SLC38A1: variants seen among roughly 807,000 people sequenced by gnomAD.
SLC38A1 encodes the protein solute carrier family 38 member 1.
Under a neutral mutation model 60.3 loss-of-function variants are expected in SLC38A1, and 18 were observed. That is an observed-to-expected ratio of 0.30 (90% confidence interval 0.21 to 0.44). SLC38A1 has a LOEUF of 0.44. Among genes scored for constraint, SLC38A1 ranks in the 20% least tolerant of loss-of-function variants. The probability of loss-of-function intolerance (pLI) is 1.00; values close to 1 mark genes in which losing one functional copy is unlikely to be tolerated. For missense variants in SLC38A1, 448 were observed against 587.2 expected (o/e 0.76, Z 2.45); for synonymous variants, 196 against 212.1 (o/e 0.92, Z 0.66).
intron 1 of SLC38A1, among the ~76,000 whole-genome samples, 196 bp from the exon 2 acceptor site, chr12:46,243,510 A>C (rs1941514414): frequency 1.3e-5 from 2 of 152,310 alleles, no homozygotes; most frequent in Middle Eastern, 3.4e-3. Context: ...ATTGACATCT[A>C]ACTGGTTATT....
chr12:46,214,839 C>T (rs1315198815), intron 5 of SLC38A1, among the ~76,000 whole-genome samples: 1 of 152,192 alleles, frequency 6.6e-6, no homozygotes, highest in Non-Finnish European at 1.5e-5. Context: ...GCAGCCGTCA[C>T]TGCATCAGAT....
chr12:46,244,822 C>G (rs906338625), intron 1 of SLC38A1, among the ~76,000 whole-genome samples: 1 of 152,192 alleles, frequency 6.6e-6, no homozygotes, highest in East Asian at 1.9e-4. Context: ...TTTTCCTTAG[C>G]GTAAACAGAT....
intron 11 of SLC38A1, among the ~76,000 whole-genome samples, chr12:46,204,095 G>A (rs1242168022): frequency 6.6e-6 from 1 of 152,188 alleles, no homozygotes; most frequent in Non-Finnish European, 1.5e-5. Context: ...GATTTTCACA[G>A]AGAATGCTTA....
intron 1 of SLC38A1, chr12:46,267,604 A>G (rs1060735): frequency 0.73 from 110,455 of 152,276 alleles, 41,294 homozygotes; most frequent in African/African-American, 0.92. Flanking sequence ...CCCATGCGCC[A>G]GGAGGTGGAT....
At position 46,238,345 on chromosome 12, in the gene SLC38A1, A is replaced by C. The variant is rs188541134; in HGVS notation, c.122+1334T>G. Among the ~76,000 whole-genome samples the C allele has an allele frequency of 9.8e-5, 15 of 152,304 alleles. No homozygotes were observed. The East Asian group carries it at 2.7e-3, about 27-fold the overall frequency. On this transcript the variant is annotated intron_variant, in intron 3 of 16. Transcript: ENST00000398637. ...TCTTAAGAACATTTAAAGGAGGAAA[A>C]AAGGAGAACATCTGTGTTAATAAAT...
chr12:46,253,784 C>G lies in SLC38A1; in HGVS notation c.-208-10470G>C, dbSNP rs553279778. On this transcript the variant is annotated intron_variant, in intron 1 of 16. Coordinates refer to ENST00000398637, the MANE Select transcript of SLC38A1 (RefSeq NM_030674.4). ...TCCCCCCTCCCTTTTATAAGAGAAC[C>G]CTTAATCCTAAGGGCTGCACAGGGA... 1.0e-3 allele frequency among the ~76,000 whole-genome samples: 154 copies of G among 152,200 alleles called. 1 individual carries two copies. The highest frequency in any genetic ancestry group is 3.1e-3 in the African/African-American group (130 of 41,504).
At chr12:46,253,620 A>G (rs578134084) in intron 1 of SLC38A1, among the ~76,000 whole-genome samples, 39 of 152,138 alleles carry the variant, frequency 2.6e-4, no homozygotes, top group Non-Finnish European at 4.6e-4. Flanking sequence ...TATGACCTGT[A>G]CTTTGTGCTA....
chr12:46,183,857 T>A lies in SLC38A1; in HGVS notation c.*5113A>T, dbSNP rs1188927113. On this transcript the variant is annotated 3_prime_UTR_variant, in exon 17 of 17. Transcript: ENST00000398637. ...TTTACATTGAGAGAACTATGTTACCTGGGAGAGAATGTAAATTTTTCTAAT... is the reference window on the plus strand; with the variant it reads ...TTTACATTGAGAGAACTATGTTACCAGGGAGAGAATGTAAATTTTTCTAAT... The A allele has an allele frequency of 6.6e-6, 1 of 152,384 alleles. No individual in the cohort carries two copies. Among genetic ancestry groups the A allele is most frequent in the Non-Finnish European group, 1.5e-5 (1 of 68,038 alleles). 9.4% of individuals were successfully genotyped at this position (152,384 alleles called of 1,614,324 possible).
chr12:46,235,464 G>A (rs1264869795), intron 3 of SLC38A1, among the ~76,000 whole-genome samples: 2 of 152,080 alleles, frequency 1.3e-5, no homozygotes, highest in Non-Finnish European at 2.9e-5. Flanking sequence ...GAGAATTGAA[G>A]AAACAGGAAT....
chr12:46,240,476 G>A (rs552927678), intron 2 of SLC38A1, among the ~76,000 whole-genome samples: 5 of 152,308 alleles, frequency 3.3e-5, no homozygotes, highest in South Asian at 4.1e-4. Context: ...AATTACAGGC[G>A]TGAGCCACCG....
At chr12:46,205,390 T>C (rs1939850213) in intron 9 of SLC38A1, among the ~76,000 whole-genome samples, 1 of 152,180 alleles carries the variant, frequency 6.6e-6, no homozygotes. Context: ...ATAATTATTG[T>C]TTGGAGAGCT....
At chr12:46,240,811 T>G (rs985404785) in intron 2 of SLC38A1, among the ~76,000 whole-genome samples, 1 of 152,202 alleles carries the variant, frequency 6.6e-6, no homozygotes, top group Admixed American at 6.5e-5. Flanking sequence ...TTTGGTTTAA[T>G]CCAACTGCTA....
intron 1 of SLC38A1, among the ~76,000 whole-genome samples, chr12:46,245,597 C>A (rs1473587521): frequency 1.3e-5 from 2 of 152,158 alleles, no homozygotes; most frequent in East Asian, 3.9e-4. Flanking sequence ...TTTCATATGA[C>A]ACAGTAATCC....
intron 11 of SLC38A1, 57 bp from the exon 12 acceptor site, chr12:46,203,146 T>A: frequency 7.3e-7 from 1 of 1,376,984 alleles, no homozygotes; most frequent in Non-Finnish European, 1.0e-6. Flanking sequence ...AAAAAGGACA[T>A]AGCTCCAGTA....
chr12:46,244,312 TGTACCAA>T (rs887686240), intron 1 of SLC38A1, among the ~76,000 whole-genome samples: 1 of 152,236 alleles, frequency 6.6e-6, no homozygotes, highest in Non-Finnish European at 1.5e-5. Flanking sequence ...AGACTTTCCT[TGTACCAA>T]GGACAGTACT....
chr12:46,204,334 C>A lies in SLC38A1; in HGVS notation c.789G>T (p.Thr263=), dbSNP rs34246350. 579 of 1,612,900 alleles carry A rather than the reference C, an allele frequency of 3.6e-4. 1 individual carries two copies. The African/African-American group carries it at 6.9e-3, about 19-fold the overall frequency. Residue 263 remains threonine, a synonymous_variant, in exon 11 of 17, where the codon ACG becomes ACT. Coordinates refer to ENST00000398637, the MANE Select transcript of SLC38A1 (RefSeq NM_030674.4). Reference sequence around the variant, plus strand: ...TGAAGGTAACATATTTTGGCGTACACGTGTCAGCATTTGTTGAATTAGCAC... The same window carrying A: ...TGAAGGTAACATATTTTGGCGTACAAGTGTCAGCATTTGTTGAATTAGCAC... ...TISANSTNAD[T]CTPKYVTFNS...
At chr12:46,217,729 G>T (rs2137533674) in intron 5 of SLC38A1, among the ~76,000 whole-genome samples, 1 of 152,226 alleles carries the variant, frequency 6.6e-6, no homozygotes, top group African/African-American at 2.4e-5. Context: ...AAATTCTGAG[G>T]GTCAGAAGAC....
chr12:46,224,419 T>G (rs565576272), intron 5 of SLC38A1, among the ~76,000 whole-genome samples: 1 of 152,286 alleles, frequency 6.6e-6, no homozygotes, highest in Admixed American at 6.5e-5. Context: ...ACAGCCATTA[T>G]GGATAGGTTA....
intron 1 of SLC38A1, among the ~76,000 whole-genome samples, chr12:46,260,698 G>A (rs1228946949): frequency 2.0e-5 from 3 of 152,092 alleles, no homozygotes; most frequent in South Asian, 2.1e-4. Flanking sequence ...CCTTCTCCTT[G>A]TCACTCAGAC....
Sources: gnomAD v4.1 joint callset for allele counts (sites outside exome capture counted in the v4.1 genomes callset) on GRCh38, gnomAD v4.1.1 for gene constraint, MANE v1.5 for transcripts, NCBI Gene and HGNC (gene_info 2026-07-23, HGNC 2026-07-21) for gene names.